The following MGAT4C variants were observed in gnomAD, a reference collection of about 807,000 sequenced individuals.
The protein encoded by MGAT4C is MGAT4 family member C, also known as alpha-1,3-mannosyl-glycoprotein 4-beta-N-acetylglucosaminyltransferase C.
MGAT4C carries 19 observed loss-of-function variants against 40.1 expected under a neutral mutation model. That is an observed-to-expected ratio of 0.47 (90% CI 0.33 to 0.70). MGAT4C has a LOEUF of 0.70. Ranked by LOEUF, MGAT4C falls within the 30% of genes least tolerant of loss-of-function variation. MGAT4C has a pLI of 0.02. For synonymous variants in MGAT4C, 181 were observed against 187.1 expected, an observed-to-expected ratio of 0.97 and a Z score of 0.27; for missense variants, 491 against 563.2, an observed-to-expected ratio of 0.87 and a Z score of 1.30.
At chr12:86,227,471 C>T (rs549895927) in intron 1 of MGAT4C, among the ~76,000 whole-genome samples, 7 of 151,978 alleles carry the variant, frequency 4.6e-5, no homozygotes, top group African/African-American at 1.7e-4. Flanking sequence ...GTTCTCTGTG[C>T]CTAAAATATT....
intron 2 of MGAT4C, among the ~76,000 whole-genome samples, chr12:86,503,782 C>A (rs1958417687): frequency 3.7e-4 from 2 of 5,430 alleles, no homozygotes; most frequent in Non-Finnish European, 4.1e-4. Flanking sequence ...ATATAGAGTT[C>A]TGCTCATATA....
chr12:86,381,807 G>A (rs763096542), intron 3 of MGAT4C, among the ~76,000 whole-genome samples: 13 of 152,212 alleles, frequency 8.5e-5, no homozygotes, highest in Non-Finnish European at 1.8e-4. Context: ...ATTGAGTCAC[G>A]GGGGCAGGTC....
chr12:86,161,033 TC>T (rs1461432630), intron 1 of MGAT4C, among the ~76,000 whole-genome samples: 4 of 152,050 alleles, frequency 2.6e-5, no homozygotes, highest in Non-Finnish European at 5.9e-5. Context: ...GGGAAAACAT[TC>T]CATGCTCATG....
At chr12:86,137,042 G>A (rs535666135) in intron 1 of MGAT4C, among the ~76,000 whole-genome samples, 1 of 152,004 alleles carries the variant, frequency 6.6e-6, no homozygotes, top group Non-Finnish European at 1.5e-5. Context: ...AATCCTATCT[G>A]GTGTCCTGAG....
At chr12:86,826,198 A>G (rs1952803836) in intron 1 of MGAT4C, among the ~76,000 whole-genome samples, 1 of 151,440 alleles carries the variant, frequency 6.6e-6, no homozygotes, top group Non-Finnish European at 1.5e-5. Flanking sequence ...TAATTTGCAC[A>G]TAAGCCATTC....
chr12:86,055,322 A>C (rs1488263301), intron 1 of MGAT4C, among the ~76,000 whole-genome samples: 1 of 152,054 alleles, frequency 6.6e-6, no homozygotes, highest in Non-Finnish European at 1.5e-5. Context: ...TTAACCGTCT[A>C]GTTGAGGGAA....
At chr12:86,332,456 G>C (rs1260978194) in intron 4 of MGAT4C, among the ~76,000 whole-genome samples, 1 of 150,744 alleles carries the variant, frequency 6.6e-6, no homozygotes, top group Admixed American at 6.6e-5. Flanking sequence ...AATCTCTCAA[G>C]TCACTCAAGA....
At chr12:86,057,762 T>C (rs1348423105) in intron 1 of MGAT4C, among the ~76,000 whole-genome samples, 1 of 152,182 alleles carries the variant, frequency 6.6e-6, no homozygotes, top group Non-Finnish European at 1.5e-5. Context: ...CAGTAGATCT[T>C]CAATAATTGT....
chr12:86,645,352 T>G (rs1244822142), intron 2 of MGAT4C, among the ~76,000 whole-genome samples: 1 of 151,740 alleles, frequency 6.6e-6, no homozygotes, highest in Non-Finnish European at 1.5e-5. Context: ...ATATGAATTT[T>G]AATACAAAAT....
intron 2 of MGAT4C, among the ~76,000 whole-genome samples, chr12:86,556,761 T>C (rs555784131): frequency 6.8e-4 from 103 of 152,304 alleles, no homozygotes; most frequent in African/African-American, 2.4e-3. Flanking sequence ...AGAAACAATA[T>C]TTATACTCTT....
intron 4 of MGAT4C, among the ~76,000 whole-genome samples, chr12:86,269,579 G>A (rs1171544140): frequency 6.7e-6 from 1 of 149,934 alleles, no homozygotes; most frequent in Non-Finnish European, 1.5e-5. Flanking sequence ...TTTTTTCCTG[G>A]TTGCCAGGTG....
intron 4 of MGAT4C, among the ~76,000 whole-genome samples, chr12:86,321,844 A>G (rs1305783938): frequency 6.6e-6 from 1 of 152,070 alleles, no homozygotes; most frequent in Non-Finnish European, 1.5e-5. Flanking sequence ...AACTAGAAAT[A>G]CCATTTGACC....
intron 2 of MGAT4C, among the ~76,000 whole-genome samples, chr12:86,539,594 G>A (rs1181533656): frequency 1.3e-5 from 2 of 152,128 alleles, no homozygotes; most frequent in African/African-American, 4.8e-5. Flanking sequence ...TTGAGGAATC[G>A]CCACACTGTC....
rs2136678915 is a variant in MGAT4C, at chr12:85,979,127, TTAAGAG to T, written c.*156_*161del. 1.8e-6 allele frequency: 1 copy of T among 556,064 alleles called. No individual in the cohort carries two copies. Among genetic ancestry groups the T allele is most frequent in the Non-Finnish European group, 3.1e-6 (1 of 320,678 alleles). The allele number at this position is 556,064 out of a possible 1,614,324, so 34.4% of individuals were successfully genotyped here. On this transcript the variant is annotated 3_prime_UTR_variant, in exon 5 of 5. Coordinates refer to ENST00000611864, the MANE Select transcript of MGAT4C (RefSeq NM_001351288.2). ...ACGTTAAAATAAATACAAGTGTGTA[TTAAGAG>T]TAAAATTATGTCAACAATGTATAAA...
At chr12:86,276,339 G>A (rs192867933) in intron 4 of MGAT4C, among the ~76,000 whole-genome samples, 87 of 152,164 alleles carry the variant, frequency 5.7e-4, no homozygotes, top group Admixed American at 4.5e-3. Context: ...ATATTTTGAT[G>A]TAGGCATACA....
chr12:86,481,957 A>G (rs1005155702), intron 2 of MGAT4C, among the ~76,000 whole-genome samples: 1 of 151,756 alleles, frequency 6.6e-6, no homozygotes, highest in African/African-American at 2.4e-5. Context: ...TTTTAAAAAC[A>G]TATATATTAT....
intron 2 of MGAT4C, among the ~76,000 whole-genome samples, chr12:86,485,756 A>ACCTCC (rs1383517286): frequency 6.6e-6 from 1 of 152,118 alleles, no homozygotes; most frequent in Non-Finnish European, 1.5e-5. Flanking sequence ...TAAGACAACA[A>ACCTCC]CCTCCAAGAC....
intron 1 of MGAT4C, among the ~76,000 whole-genome samples, chr12:86,825,055 T>C (rs1217434662): frequency 6.6e-6 from 1 of 151,244 alleles, no homozygotes; most frequent in Non-Finnish European, 1.5e-5. Context: ...GAAAAACCGC[T>C]AGAGTAGGAA....
chr12:86,420,262 G>A lies in MGAT4C; in HGVS notation c.-120+14895C>T, dbSNP rs147562199. Among the ~76,000 whole-genome samples the A allele has an allele frequency of 1.7e-4, 26 of 152,090 alleles. No homozygotes were observed. The East Asian group carries it at 4.3e-3, about 25-fold the overall frequency. ...CGGAGCATGGTGGCATGTGCCCGCA[G>A]TCCCAGTTACTCTCGAGGCGGGAGT... On this transcript the variant is annotated intron_variant, in intron 3 of 7. Coordinates refer to the MGAT4C transcript ENST00000548651.
Sources: allele counts gnomAD v4.1 joint callset (sites outside exome capture counted in the v4.1 genomes callset), GRCh38; gene constraint gnomAD v4.1.1; transcripts MANE v1.5; gene names NCBI Gene and HGNC (gene_info 2026-07-23, HGNC 2026-07-21).